Variants in KRABD2 observed in about 807,000 individuals in gnomAD.
The protein encoded by KRABD2 is KRAB domain-containing protein 2.
At chr17:8,363,830 C>CATACATATATATATATAT in the KRABD2 span, among the ~76,000 whole-genome samples, 38 of 86,970 alleles carry the variant, frequency 4.4e-4, no homozygotes, top group South Asian at 8.0e-4. Context: ...ATATATCATA[C>CATACATATATATATATAT]ATATATATAT....
the KRABD2 span, among the ~76,000 whole-genome samples, chr17:8,360,506 C>T: frequency 6.6e-6 from 1 of 151,794 alleles, no homozygotes; most frequent in Non-Finnish European, 1.5e-5. Context: ...AGATTAGCAC[C>T]ATGATAAAAA....
chr17:8,376,704 C>G, the KRABD2 span: 2 of 984,062 alleles, frequency 2.0e-6, no homozygotes, highest in Non-Finnish European at 1.2e-6. Context: ...GCAGCAACTC[C>G]GCCCCACCTC....
chr17:8,368,930 C>A, the KRABD2 span: 5 of 875,990 alleles, frequency 5.7e-6, no homozygotes, highest in Middle Eastern at 3.6e-4. Flanking sequence ...AGCGCTGCGC[C>A]CGGCCAGGTT....
the KRABD2 span, among the ~76,000 whole-genome samples, chr17:8,374,189 G>A: frequency 0.22 from 33,011 of 151,540 alleles, 3,828 homozygotes; most frequent in Non-Finnish European, 0.27. Context: ...TAGAAAAGGG[G>A]GAAATGTGGG....
At chr17:8,358,888 C>G in the KRABD2 span, among the ~76,000 whole-genome samples, 4 of 152,172 alleles carry the variant, frequency 2.6e-5, no homozygotes, top group African/African-American at 4.8e-5. Flanking sequence ...AACCACAGTA[C>G]AATCCTCAAG....
chr17:8,364,750 A>G, the KRABD2 span, among the ~76,000 whole-genome samples: 1 of 152,010 alleles, frequency 6.6e-6, no homozygotes, highest in Non-Finnish European at 1.5e-5. The surrounding 1 kb of genome is among the most constrained non-coding windows in gnomAD (Gnocchi z 4.4). Flanking sequence ...AAAAATTTAA[A>G]ATGCCGGGCA....
the KRABD2 span, chr17:8,372,056 GC>G: frequency 4.1e-6 from 4 of 985,482 alleles, no homozygotes; most frequent in South Asian, 1.9e-4. The surrounding 1 kb of genome is among the most constrained non-coding windows in gnomAD (Gnocchi z 4.1). Context: ...GCTGTCAGAT[GC>G]AGAGCGGAGG....
At chr17:8,365,647 T>C in the KRABD2 span, 5 of 152,274 alleles carry the variant, frequency 3.3e-5, no homozygotes, top group South Asian at 4.1e-4. Flanking sequence ...ATGAGTCACA[T>C]TGTAGAACTT....
At chr17:8,376,405 A>C in the KRABD2 span, 1 of 1,125,902 alleles carries the variant, frequency 8.9e-7, no homozygotes, top group Non-Finnish European at 1.1e-6. Flanking sequence ...ATGATAATGC[A>C]GATAAGGCAC....
the KRABD2 span, among the ~76,000 whole-genome samples, chr17:8,363,793 TATCATAC>T: frequency 7.0e-6 from 1 of 143,798 alleles, no homozygotes; most frequent in African/African-American, 2.6e-5. Context: ...CATACATATA[TATCATAC>T]ATATATATAT....
At chr17:8,371,877 C>T in the KRABD2 span, 5 of 1,011,056 alleles carry the variant, frequency 4.9e-6, no homozygotes, top group Non-Finnish European at 5.9e-6. Flanking sequence ...AGTCTACCTG[C>T]CACTGTGATC....
At chr17:8,370,361 C>T in the KRABD2 span, 2 of 1,583,428 alleles carry the variant, frequency 1.3e-6, no homozygotes, top group African/African-American at 2.7e-5. Context: ...CTCTCTGAGG[C>T]ATCATGGAGA....
At chr17:8,359,997 T>C in the KRABD2 span, 1 of 376,960 alleles carries the variant, frequency 2.7e-6, no homozygotes, top group South Asian at 2.0e-5. Flanking sequence ...AAGTTAGGAG[T>C]GAGCCATCTG....
the KRABD2 span, chr17:8,370,454 A>T: frequency 1.0e-6 from 1 of 965,476 alleles, no homozygotes; most frequent in Non-Finnish European, 1.5e-6. Context: ...CTTTCCCTCT[A>T]AAGTTCCTCA....
the KRABD2 span, among the ~76,000 whole-genome samples, chr17:8,359,077 C>G: frequency 6.6e-6 from 1 of 152,170 alleles, no homozygotes; most frequent in Non-Finnish European, 1.5e-5. Flanking sequence ...TTGTCTTTCT[C>G]AACATTGCCG....
At chr17:8,371,219 C>T in the KRABD2 span, 19 of 1,174,454 alleles carry the variant, frequency 1.6e-5, no homozygotes, top group Admixed American at 1.2e-4. Flanking sequence ...CTTGGGGAAT[C>T]GAGAAGAAAG....
the KRABD2 span, chr17:8,370,158 G>T: frequency 6.2e-7 from 1 of 1,613,820 alleles, no homozygotes; most frequent in Admixed American, 1.7e-5. Flanking sequence ...ATCACGTGAT[G>T]ACTTCTTCCC....
chr17:8,370,140 C>T, the KRABD2 span: 150 of 1,613,962 alleles, frequency 9.3e-5, no homozygotes, highest in African/African-American at 8.4e-4. Flanking sequence ...TTTTGCTGCA[C>T]GGCGATAATC....
At chr17:8,373,300 G>T in the KRABD2 span, among the ~76,000 whole-genome samples, 1 of 152,200 alleles carries the variant, frequency 6.6e-6, no homozygotes, top group Non-Finnish European at 1.5e-5. Context: ...TCAGCCTGCC[G>T]AGTGCCTGGG....
Sources: allele counts gnomAD v4.1 joint callset (sites outside exome capture counted in the v4.1 genomes callset), GRCh38; gene constraint gnomAD v4.1.1; non-coding constraint Gnocchi (gnomAD v3.1); transcripts MANE v1.5; gene names NCBI Gene and HGNC (gene_info 2026-07-23, HGNC 2026-07-21).